LHX8: variants seen among roughly 807,000 people sequenced by gnomAD.
LHX8 encodes the protein LIM/homeobox protein Lhx8.
Under a neutral mutation model 40.3 loss-of-function variants are expected in LHX8, and 12 were observed. The observed-to-expected ratio is 0.30, with a 90% CI of 0.19 to 0.48. The LOEUF is 0.48. Among genes scored for constraint, LHX8 ranks in the 20% least tolerant of loss-of-function variants. The pLI is 0.99. For missense variants in LHX8, 344 were observed against 433.7 expected, an observed-to-expected ratio of 0.79 and a Z score of 1.84; for synonymous variants, 179 against 162.0, an observed-to-expected ratio of 1.10 and a Z score of -0.80.
At chr1:75,143,983 C>T (rs750287967) in intron 6 of LHX8, 35 bp downstream of exon 6, 1 of 1,554,242 alleles carries the variant, frequency 6.4e-7, no homozygotes, top group African/African-American at 1.4e-5. Context: ...TTTTTGAAGC[C>T]CCTCCCAACC....
chr1:75,130,612 T>C, upstream of LHX8: 1 of 1,082,072 alleles, frequency 9.2e-7, no homozygotes, highest in Non-Finnish European at 1.4e-6. Context: ...AAAGCACCCC[T>C]CTCTTACCCT....
the LHX8 span, among the ~76,000 whole-genome samples, chr1:75,193,478 G>A: frequency 6.6e-6 from 1 of 152,152 alleles, no homozygotes; most frequent in Non-Finnish European, 1.5e-5. Flanking sequence ...CCCAGATAAT[G>A]TAAAACTGCT....
the LHX8 span, among the ~76,000 whole-genome samples, chr1:75,167,205 G>A: frequency 7.2e-5 from 11 of 152,178 alleles, no homozygotes; most frequent in African/African-American, 1.7e-4. Context: ...TGGAGTCCTC[G>A]TTTTGCCACA....
At chr1:75,197,425 C>A in the LHX8 span, among the ~76,000 whole-genome samples, 5 of 152,156 alleles carry the variant, frequency 3.3e-5, no homozygotes, top group Admixed American at 6.5e-5. Flanking sequence ...TGATTAAAAT[C>A]AAAAATTTAA....
intron 7 of LHX8, among the ~76,000 whole-genome samples, chr1:75,149,937 A>C (rs1648562692): frequency 6.6e-6 from 1 of 152,338 alleles, no homozygotes; most frequent in African/African-American, 2.4e-5. Flanking sequence ...GGAAGCAGAG[A>C]GGAGTCAAAG....
the LHX8 span, among the ~76,000 whole-genome samples, chr1:75,189,447 TAGC>T: frequency 6.6e-6 from 1 of 152,306 alleles, no homozygotes. Context: ...AGAAAGGAAC[TAGC>T]AGCCCATTCT....
At chr1:75,177,426 C>T in the LHX8 span, among the ~76,000 whole-genome samples, 1 of 152,170 alleles carries the variant, frequency 6.6e-6, no homozygotes, top group Non-Finnish European at 1.5e-5. Flanking sequence ...ATTTTATTCT[C>T]TTTGCAGCAA....
chr1:75,167,249 C>T, the LHX8 span, among the ~76,000 whole-genome samples: 1 of 152,232 alleles, frequency 6.6e-6, no homozygotes, highest in African/African-American at 2.4e-5. Flanking sequence ...AGTTATTAAA[C>T]TGCGCTGTGC....
At chr1:75,159,453 TCTG>T (rs1400005975) in intron 8 of LHX8, 2 of 152,134 alleles carry the variant, frequency 1.3e-5, no homozygotes, top group Non-Finnish European at 1.5e-5. Context: ...CTTGTTTTCT[TCTG>T]AACTATTTTT....
chr1:75,157,919 A>G (rs1259301952), intron 8 of LHX8, among the ~76,000 whole-genome samples: 2 of 152,180 alleles, frequency 1.3e-5, no homozygotes, highest in East Asian at 3.8e-4. Flanking sequence ...TCTACTAGAT[A>G]TGTACCTGGG....
the LHX8 span, among the ~76,000 whole-genome samples, chr1:75,173,544 A>G: frequency 2.6e-5 from 4 of 151,606 alleles, no homozygotes; most frequent in African/African-American, 9.7e-5. Context: ...CACCACGCCC[A>G]GCTAATTTTT....
upstream of LHX8, among the ~76,000 whole-genome samples, chr1:75,129,467 G>A (rs907981670): frequency 2.6e-5 from 4 of 152,146 alleles, no homozygotes; most frequent in African/African-American, 9.7e-5. Context: ...ATAGCTTTAC[G>A]AGTTACACCG....
chr1:75,161,239 T>C lies in LHX8; in HGVS notation c.*344T>C, dbSNP rs542523510. On this transcript the variant is annotated 3_prime_UTR_variant, in exon 9 of 9. Transcript: ENST00000356261. ...AAGTGTGCAAAATGTTTACAATCTT[T>C]TGTGAAATTGTAGTTTATCATTAGT... is the stretch of plus-strand genomic sequence containing the variant. 8 of 230,078 alleles carry C rather than the reference T, an allele frequency of 3.5e-5. No homozygotes were observed. Among genetic ancestry groups the C allele is most frequent in the Non-Finnish European group, 6.9e-5 (8 of 116,220 alleles). The allele number at this position is 230,078 out of a possible 1,614,324, so 14.3% of individuals were successfully genotyped here.
chr1:75,185,232 G>A, the LHX8 span, among the ~76,000 whole-genome samples: 1 of 151,746 alleles, frequency 6.6e-6, no homozygotes, highest in Non-Finnish European at 1.5e-5. Flanking sequence ...TGAGGAGGAG[G>A]GACTCCTCCT....
At chr1:75,187,399 T>C in the LHX8 span, among the ~76,000 whole-genome samples, 1 of 152,230 alleles carries the variant, frequency 6.6e-6, no homozygotes, top group Non-Finnish European at 1.5e-5. Context: ...AGATGCCACA[T>C]TCCAAAATGA....
intron 7 of LHX8, among the ~76,000 whole-genome samples, chr1:75,156,395 C>T (rs1260908732): frequency 2.0e-5 from 3 of 152,066 alleles, no homozygotes; most frequent in African/African-American, 7.2e-5. Context: ...GTACCAACCA[C>T]CACGGCCAGC....
At chr1:75,163,979 C>A (rs1314842190), downstream of LHX8, among the ~76,000 whole-genome samples, 1 of 152,168 alleles carries the variant, frequency 6.6e-6, no homozygotes, top group Non-Finnish European at 1.5e-5. Context: ...TCTGCTGGTG[C>A]CTTGATCTTG....
chr1:75,137,276 CGGGT>C lies in LHX8; in HGVS notation c.237+17_237+20del, dbSNP rs764451848. The C allele has an allele frequency of 2.3e-5, 37 of 1,612,670 alleles. No homozygotes were observed. In the African/African-American group the frequency reaches 4.5e-4, roughly 20 times the overall value. On this transcript the variant is annotated intron_variant, in intron 3 of 8. Coordinates refer to ENST00000356261, the MANE Select transcript of LHX8 (RefSeq NM_001256114.2). ...ACCTTCTCAAGGTAGGATAGGGCCT[CGGGT>C]GCGAGGCCCAAGGGGAGCGGGCTTA...
the LHX8 span, among the ~76,000 whole-genome samples, chr1:75,195,585 C>A: frequency 2.0e-5 from 3 of 152,070 alleles, no homozygotes; most frequent in Non-Finnish European, 4.4e-5. Context: ...GTATGGTATT[C>A]ATTCCTGGGG....
Sources: allele counts gnomAD v4.1 joint callset (sites outside exome capture counted in the v4.1 genomes callset), GRCh38; gene constraint gnomAD v4.1.1; transcripts MANE v1.5; gene names NCBI Gene and HGNC (gene_info 2026-07-23, HGNC 2026-07-21).